Variants in SLC39A11 observed in about 807,000 individuals in gnomAD.
SLC39A11 encodes zinc transporter ZIP11.
In SLC39A11, 33 loss-of-function variants were observed where a neutral mutation model predicts 36.1. The ratio of observed to expected loss-of-function variants is 0.91; its 90% CI spans 0.69 to 1.22. The LOEUF (loss-of-function observed/expected upper bound fraction) is 1.22. Among genes scored for constraint, SLC39A11 ranks in the 50% most tolerant of loss-of-function variants. SLC39A11 has a pLI of 0.00. For missense variants in SLC39A11, 432 were observed against 430.3 expected (o/e 1.00, Z -0.03); for synonymous variants, 166 against 170.3 (o/e 0.97, Z 0.20).
chr17:72,951,195 G>A (rs916181308), intron 4 of SLC39A11, among the ~76,000 whole-genome samples: 6 of 149,864 alleles, frequency 4.0e-5, no homozygotes, highest in East Asian at 2.0e-4. Context: ...CCAGGAAGGC[G>A]AGGCTGCAGT....
chr17:72,798,074 G>A (rs934930785), intron 6 of SLC39A11, among the ~76,000 whole-genome samples: 1 of 152,116 alleles, frequency 6.6e-6, no homozygotes, highest in African/African-American at 2.4e-5. Flanking sequence ...GAGCCTTCCC[G>A]TTTGGGCACG....
chr17:72,801,219 T>C (rs1321008306), intron 6 of SLC39A11, among the ~76,000 whole-genome samples: 2 of 152,226 alleles, frequency 1.3e-5, no homozygotes, highest in Non-Finnish European at 2.9e-5. Flanking sequence ...TGAAATATGC[T>C]TTTTCCTTTT....
intron 6 of SLC39A11, among the ~76,000 whole-genome samples, chr17:72,829,456 C>T (rs147283434): frequency 6.6e-6 from 1 of 151,956 alleles, no homozygotes. Context: ...TGGTGACCAA[C>T]TAGCTATGGA....
At chr17:72,661,312 G>A (rs896182929) in intron 7 of SLC39A11, among the ~76,000 whole-genome samples, 1 of 152,164 alleles carries the variant, frequency 6.6e-6, no homozygotes, top group African/African-American at 2.4e-5. Flanking sequence ...TGTAGTTCTG[G>A]GGTTCGAGGT....
At chr17:72,718,429 A>C (rs961078857) in intron 7 of SLC39A11, among the ~76,000 whole-genome samples, 4 of 152,084 alleles carry the variant, frequency 2.6e-5, no homozygotes, top group Non-Finnish European at 5.9e-5. Flanking sequence ...ACAGAGCAAG[A>C]CTCCATCTCA....
chr17:73,057,709 G>A lies in SLC39A11; in HGVS notation c.148-25995C>T, dbSNP rs558421242. ...TCCTAGCACTTTGGGAGGCCGAGGC[G>A]GGCAGATCACTTGAGGTCAGGAGTA... On this transcript the variant is annotated intron_variant, in intron 3 of 9. Coordinates refer to ENST00000255559, the MANE Select transcript of SLC39A11 (RefSeq NM_139177.4). Among the ~76,000 whole-genome samples the A allele has an allele frequency of 5.9e-4, 90 of 152,258 alleles. 1 individual carries two copies. The highest frequency in any genetic ancestry group is 2.0e-3 in the African/African-American group (83 of 41,548).
chr17:72,852,564 T>C (rs1186262478), intron 5 of SLC39A11, among the ~76,000 whole-genome samples: 1 of 152,194 alleles, frequency 6.6e-6, no homozygotes, highest in Non-Finnish European at 1.5e-5. Flanking sequence ...ACCATGTGTA[T>C]GCATGTACGT....
intron 7 of SLC39A11, among the ~76,000 whole-genome samples, chr17:72,686,626 TC>T (rs1284882135): frequency 2.6e-5 from 4 of 152,134 alleles, no homozygotes; most frequent in African/African-American, 9.7e-5. Context: ...GCCCGTCTCT[TC>T]CCCAACCTGC....
intron 6 of SLC39A11, among the ~76,000 whole-genome samples, chr17:72,828,891 A>T (rs1027795863): frequency 6.6e-5 from 10 of 152,332 alleles, no homozygotes; most frequent in Middle Eastern, 3.4e-3. Context: ...GGAGTCAAGC[A>T]TCGGAGAGTA....
chr17:72,901,875 T>C lies in SLC39A11; in HGVS notation c.430+45877A>G, dbSNP rs147037454. Among the ~76,000 whole-genome samples the C allele has an allele frequency of 6.6e-4, 100 of 152,256 alleles. 1 individual carries two copies. The East Asian group carries it at 0.017, about 26-fold the overall frequency. ...TGGGGCCCTGAGATAAAGACACAGC[T>C]AGGGCCTCCCTGGGGAACAGGAAAC... On this transcript the variant is annotated intron_variant, in intron 5 of 9. Coordinates refer to ENST00000255559, the MANE Select transcript of SLC39A11 (RefSeq NM_139177.4).
chr17:72,980,517 A>C (rs1305352762), intron 4 of SLC39A11, among the ~76,000 whole-genome samples: 2 of 152,234 alleles, frequency 1.3e-5, no homozygotes, highest in Non-Finnish European at 2.9e-5. Flanking sequence ...TGTAAAAAAA[A>C]ATACCTAGAC....
At chr17:72,763,887 C>G (rs914912691) in intron 6 of SLC39A11, among the ~76,000 whole-genome samples, 1 of 152,158 alleles carries the variant, frequency 6.6e-6, no homozygotes, top group African/African-American at 2.4e-5. Context: ...GGTCAGTGCC[C>G]ACTCCATCCA....
intron 6 of SLC39A11, among the ~76,000 whole-genome samples, chr17:72,775,009 T>A (rs987057840): frequency 1.1e-4 from 17 of 149,984 alleles, no homozygotes; most frequent in Non-Finnish European, 1.8e-4. Context: ...AAAAAAAAAA[T>A]AAGCTCGTGG....
rs2074097885 is a variant in SLC39A11, at chr17:72,729,434, TATATATATATATATATATATA to T, written c.671+7195_671+7215del. Among the ~76,000 whole-genome samples the T allele has an allele frequency of 3.7e-3, 13 of 3,472 alleles. 1 individual carries two copies. Among genetic ancestry groups the T allele is most frequent in the East Asian group, 0.011 (3 of 266 alleles). 2.3% of individuals were successfully genotyped at this position (3,472 alleles called of 152,430 possible). On this transcript the variant is annotated intron_variant, in intron 7 of 9. Transcript: ENST00000255559. ...ATATATATATATATATATATATATA[TATATATATATATATATATATA>T]TATTTTTTTTTTTTTTTTTTTTTGT... is the stretch of plus-strand genomic sequence containing the variant.
chr17:72,893,884 T>C (rs1302827858), intron 5 of SLC39A11, among the ~76,000 whole-genome samples: 3 of 152,136 alleles, frequency 2.0e-5, no homozygotes, highest in African/African-American at 7.2e-5. Flanking sequence ...AATAAAAATA[T>C]TGTTTTCCTT....
At chr17:72,858,827 T>TTGTATACTGACACTTTG (rs1191549195) in intron 5 of SLC39A11, among the ~76,000 whole-genome samples, 2 of 152,234 alleles carry the variant, frequency 1.3e-5, no homozygotes, top group African/African-American at 4.8e-5. Flanking sequence ...TACAGTGATT[T>TTGTATACTGACACTTTG]TGTATACTGA....
chr17:72,988,262 G>T (rs557689042), intron 4 of SLC39A11, among the ~76,000 whole-genome samples: 49 of 152,272 alleles, frequency 3.2e-4, no homozygotes, highest in Admixed American at 4.6e-4. Flanking sequence ...AAACCAGTCC[G>T]GCCAACATGG....
chr17:72,720,675 T>C (rs998414803), intron 7 of SLC39A11, among the ~76,000 whole-genome samples: 1 of 152,174 alleles, frequency 6.6e-6, no homozygotes, highest in Non-Finnish European at 1.5e-5. Context: ...CTCAGGGAGC[T>C]TTTCCTAGAG....
At chr17:72,891,728 A>G (rs1264563001) in intron 5 of SLC39A11, among the ~76,000 whole-genome samples, 3 of 152,038 alleles carry the variant, frequency 2.0e-5, no homozygotes, top group Non-Finnish European at 4.4e-5. Context: ...ACACACAGAT[A>G]CATACATATA....
Sources: gnomAD v4.1 joint callset for allele counts (sites outside exome capture counted in the v4.1 genomes callset) on GRCh38, gnomAD v4.1.1 for gene constraint, MANE v1.5 for transcripts, NCBI Gene and HGNC (gene_info 2026-07-23, HGNC 2026-07-21) for gene names.